Variants in TLN2 observed in about 807,000 individuals in gnomAD.
The protein encoded by TLN2 is talin 2, also known as talin-2.
In TLN2, 118 loss-of-function variants were observed where a neutral mutation model predicts 294.7. The observed-to-expected ratio is 0.40, with a 90% CI of 0.34 to 0.47. The LOEUF is 0.47. Ranked by LOEUF, TLN2 falls within the 20% of genes least tolerant of loss-of-function variation. The probability of loss-of-function intolerance (pLI) is 0.84; values close to 1 mark genes in which losing one functional copy is unlikely to be tolerated. For missense variants in TLN2, 3,083 were observed against 3,282.2 expected, an observed-to-expected ratio of 0.94 and a Z score of 1.48; for synonymous variants, 1,431 against 1,304.5, an observed-to-expected ratio of 1.10 and a Z score of -2.09.
intron 12 of TLN2, among the ~76,000 whole-genome samples, chr15:62,689,026 C>T (rs1167096106): frequency 6.9e-6 from 1 of 145,670 alleles, no homozygotes; most frequent in Non-Finnish European, 1.5e-5. Flanking sequence ...CCAAGTCTAT[C>T]ATTTTGTAGT....
At chr15:62,726,560 A>T (rs1056128751) in intron 27 of TLN2, among the ~76,000 whole-genome samples, 1 of 152,050 alleles carries the variant, frequency 6.6e-6, no homozygotes, top group Non-Finnish European at 1.5e-5. Context: ...CTCTATTTCT[A>T]TTGCATTTCC....
intron 21 of TLN2, among the ~76,000 whole-genome samples, chr15:62,709,210 G>GGGTCAT (rs1225420007): frequency 2.0e-5 from 3 of 152,282 alleles, no homozygotes; most frequent in African/African-American, 7.2e-5. Flanking sequence ...GGAGAGCACC[G>GGGTCAT]GGGTGGTCAG....
intron 52 of TLN2, among the ~76,000 whole-genome samples, chr15:62,816,786 G>C (rs930866619): frequency 6.6e-6 from 1 of 152,120 alleles, no homozygotes; most frequent in African/African-American, 2.4e-5. Flanking sequence ...AATGCCTATG[G>C]ACTGCTTAGC....
intron 26 of TLN2, among the ~76,000 whole-genome samples, chr15:62,722,963 T>C (rs2060235872): frequency 6.6e-6 from 1 of 152,238 alleles, no homozygotes; most frequent in South Asian, 2.1e-4. Flanking sequence ...TTTCACTTAT[T>C]GCGTGGGAGC....
intron 1 of TLN2, among the ~76,000 whole-genome samples, chr15:62,466,281 A>G (rs1472031490): frequency 1.3e-5 from 2 of 152,252 alleles, no homozygotes; most frequent in Non-Finnish European, 2.9e-5. Flanking sequence ...GGAGCCTATC[A>G]GAGAACGAAC....
chr15:62,695,048 G>A (rs539370599), intron 14 of TLN2, among the ~76,000 whole-genome samples: 261 of 152,282 alleles, frequency 1.7e-3, no homozygotes, highest in Non-Finnish European at 2.5e-3. Context: ...CATAGCACTT[G>A]CTATTATAAC....
At chr15:62,716,939 GT>G (rs67019375) in intron 23 of TLN2, among the ~76,000 whole-genome samples, 112,882 of 148,276 alleles carry the variant, frequency 0.76, 45,456 homozygotes, top group East Asian at 0.95. Context: ...CAAAAACTAT[GT>G]TTTTTTTTTT....
chr15:62,835,036 A>G (rs1481186594), intron 55 of TLN2: 1 of 152,132 alleles, frequency 6.6e-6, no homozygotes, highest in Non-Finnish European at 1.5e-5. Context: ...TGGCCCTTTT[A>G]TTGCTGACAC....
At chr15:62,780,697 A>T (rs1198753204) in intron 43 of TLN2, among the ~76,000 whole-genome samples, 1 of 152,188 alleles carries the variant, frequency 6.6e-6, no homozygotes, top group African/African-American at 2.4e-5. Context: ...CATGGACTCG[A>T]CCATTCCTCA....
intron 1 of TLN2, among the ~76,000 whole-genome samples, chr15:62,583,684 T>A (rs905653236): frequency 6.6e-6 from 1 of 152,212 alleles, no homozygotes; most frequent in African/African-American, 2.4e-5. Context: ...TAGTAGTATG[T>A]TTAAGAACAG....
At chr15:62,743,350 C>A (rs1429639784) in intron 32 of TLN2, among the ~76,000 whole-genome samples, 1 of 151,998 alleles carries the variant, frequency 6.6e-6, no homozygotes, top group Admixed American at 6.5e-5. Flanking sequence ...AGTCTCAAAC[C>A]CCTTATTATT....
At chr15:62,736,542 C>T (rs575831111) in intron 28 of TLN2, among the ~76,000 whole-genome samples, 89 of 152,232 alleles carry the variant, frequency 5.8e-4, no homozygotes, top group Admixed American at 1.5e-3. Flanking sequence ...AATGGCCTCC[C>T]GCAAACATGT....
At chr15:62,612,871 A>G (rs948575971) in intron 2 of TLN2, among the ~76,000 whole-genome samples, 1 of 152,250 alleles carries the variant, frequency 6.6e-6, no homozygotes, top group African/African-American at 2.4e-5. Context: ...TCCAGGCTTT[A>G]TGAAATAATC....
chr15:62,782,611 G>A lies in TLN2; in HGVS notation c.5617-1160G>A, dbSNP rs555904976. Among the ~76,000 whole-genome samples the A allele has an allele frequency of 2.4e-4, 36 of 152,278 alleles. 1 individual carries two copies. Among genetic ancestry groups the A allele is most frequent in the East Asian group, 2.1e-3 (11 of 5,180 alleles). On this transcript the variant is annotated intron_variant, in intron 44 of 58. Coordinates refer to ENST00000636159, the MANE Select transcript of TLN2 (RefSeq NM_015059.3). ...GTGTGAAAGAGGCCCTTCTCACCCCGTCAGGATGCCCAGACTCCCAGTGCA... is the reference window on the plus strand; with the variant it reads ...GTGTGAAAGAGGCCCTTCTCACCCCATCAGGATGCCCAGACTCCCAGTGCA...
chr15:62,474,285 G>A (rs2037662303), intron 1 of TLN2, among the ~76,000 whole-genome samples: 1 of 152,198 alleles, frequency 6.6e-6, no homozygotes. Flanking sequence ...TTGAGTGAAA[G>A]CATCTATCAT....
intron 1 of TLN2, among the ~76,000 whole-genome samples, chr15:62,483,851 C>T (rs912878049): frequency 2.6e-5 from 4 of 152,242 alleles, no homozygotes; most frequent in South Asian, 2.1e-4. Flanking sequence ...GTAGCTCCTG[C>T]TGTGTAGCTG....
intron 31 of TLN2, 156 bp from the exon 32 acceptor site, chr15:62,740,474 G>T: frequency 2.4e-6 from 2 of 840,270 alleles, no homozygotes; most frequent in East Asian, 2.5e-5. Context: ...ACACTGGTCA[G>T]TGTCTCAACG....
intron 1 of TLN2, among the ~76,000 whole-genome samples, chr15:62,418,474 T>TTGTGGCTGGTGGGAC (rs375764139): frequency 7.5e-4 from 115 of 152,320 alleles, no homozygotes; most frequent in African/African-American, 2.6e-3. Context: ...AACACTTGAA[T>TTGTGGCTGGTGGGAC]TGTGGCTGGT....
chr15:62,641,339 G>T (rs556632010), intron 3 of TLN2, among the ~76,000 whole-genome samples: 3 of 152,032 alleles, frequency 2.0e-5, no homozygotes, highest in Non-Finnish European at 4.4e-5. Flanking sequence ...AGCCCAGGCC[G>T]GGCACGGTGG....
Sources: gnomAD v4.1 joint callset for allele counts (sites outside exome capture counted in the v4.1 genomes callset) on GRCh38, gnomAD v4.1.1 for gene constraint, MANE v1.5 for transcripts, NCBI Gene and HGNC (gene_info 2026-07-23, HGNC 2026-07-21) for gene names.